DAGLA: variants seen among roughly 807,000 people sequenced by gnomAD.
The protein encoded by DAGLA is diacylglycerol lipase alpha.
DAGLA carries 22 observed loss-of-function variants against 102.6 expected under a neutral mutation model. The ratio of observed to expected loss-of-function variants is 0.21; its 90% CI spans 0.15 to 0.31. The LOEUF (loss-of-function observed/expected upper bound fraction) is 0.31. Ranked by LOEUF, DAGLA falls within the 10% of genes least tolerant of loss-of-function variation. The pLI is 1.00. For missense variants in DAGLA, 927 were observed against 1,446.6 expected (o/e 0.64, Z 5.83); for synonymous variants, 578 against 628.9 (o/e 0.92, Z 1.21).
intron 1 of DAGLA, among the ~76,000 whole-genome samples, chr11:61,699,327 G>A (rs1203251300): frequency 6.6e-6 from 1 of 152,168 alleles, no homozygotes; most frequent in Non-Finnish European, 1.5e-5. Context: ...AGCCAGGTGA[G>A]CATGCCCTGG....
intron 10 of DAGLA, 53 bp downstream of exon 10, chr11:61,735,055 T>A: frequency 1.3e-6 from 2 of 1,592,006 alleles, no homozygotes; most frequent in Non-Finnish European, 1.7e-6. Flanking sequence ...GCTGAGGGCC[T>A]AGGGTGCTGA....
chr11:61,681,099 G>T (rs1419241223), intron 1 of DAGLA, among the ~76,000 whole-genome samples: 3 of 152,156 alleles, frequency 2.0e-5, no homozygotes, highest in African/African-American at 7.2e-5. Context: ...ACTGCCGCGG[G>T]GGGAGTCCGT....
intron 1 of DAGLA, among the ~76,000 whole-genome samples, chr11:61,712,557 C>T (rs2065202571): frequency 6.6e-6 from 1 of 152,206 alleles, no homozygotes; most frequent in African/African-American, 2.4e-5. Context: ...AAATCTGGCC[C>T]CAGTCCTGGG....
At chr11:61,697,910 G>T (rs1591027840) in intron 1 of DAGLA, among the ~76,000 whole-genome samples, 1 of 152,162 alleles carries the variant, frequency 6.6e-6, no homozygotes, top group African/African-American at 2.4e-5. Flanking sequence ...GAGGAGCAGT[G>T]CCAGGGCCCT....
At chr11:61,688,533 T>C (rs1057134461) in intron 1 of DAGLA, among the ~76,000 whole-genome samples, 7 of 152,174 alleles carry the variant, frequency 4.6e-5, no homozygotes, top group African/African-American at 1.7e-4. Flanking sequence ...CGGGAGATCC[T>C]TAGAGTGGCT....
At chr11:61,706,212 G>A (rs1239720086) in intron 1 of DAGLA, among the ~76,000 whole-genome samples, 2 of 152,236 alleles carry the variant, frequency 1.3e-5, no homozygotes, top group African/African-American at 2.4e-5. Flanking sequence ...GAAGTTGGGG[G>A]CGGGGAAGGG....
intron 7 of DAGLA, 132 bp downstream of exon 7, chr11:61,728,419 C>T (rs111722657): frequency 6.9e-6 from 8 of 1,151,468 alleles, no homozygotes; most frequent in African/African-American, 1.5e-5. Context: ...TCTCTTGGAC[C>T]CTGGAGGTCA....
In DAGLA at chr11:61,734,031, C is replaced by T. The variant is rs2065401429; in HGVS notation, c.975-818C>T. ...GCCAGGTGGGGTAGACAGGGCGTTGCTGTAGGGTCTTAAAAAGAAAATGAT... is the reference window on the plus strand; with the variant it reads ...GCCAGGTGGGGTAGACAGGGCGTTGTTGTAGGGTCTTAAAAAGAAAATGAT... On this transcript the variant is annotated intron_variant, in intron 9 of 19. Coordinates refer to ENST00000257215, the MANE Select transcript of DAGLA (RefSeq NM_006133.3). This position sits in a 1 kb window ranked among gnomAD's most constrained non-coding sequence, Gnocchi z 4.2. Among the ~76,000 whole-genome samples, 1 of 151,974 alleles carries T rather than the reference C, an allele frequency of 6.6e-6. No individual in the cohort carries two copies. The highest frequency in any genetic ancestry group is 1.5e-5 in the Non-Finnish European group (1 of 67,988).
At position 61,720,849 on chromosome 11, in the gene DAGLA, A is replaced by T. The variant is rs762296637; in HGVS notation, c.266A>T (p.Glu89Val). Residue 89 changes from glutamate to valine, a missense_variant, in exon 3 of 20, where the codon GAG becomes GTG. Glu to Val is a moderately radical substitution (Grantham distance 121, BLOSUM62 -2). Around this residue, in one of 4 missense-constraint regions of DAGLA, gnomAD observed 231 missense variants for 439.8 expected, o/e 0.53. Transcript: ENST00000257215. The part of the protein sequence containing the change: ...LSMRGGILYT[E>V]PRDSMQYVLY... ...ATGCGCGGGGGCATCCTCTACACGG[A>T]GCCCCGTGACTCCATGCAGTACGTG... 1.1e-5 allele frequency: 17 copies of T among 1,613,398 alleles called. No homozygotes were observed. Among genetic ancestry groups the T allele is most frequent in the African/African-American group, 1.3e-5 (1 of 74,934 alleles).
Position 61,738,178 on chromosome 11 carries a change from G to C in DAGLA, c.1627G>C (p.Asp543His). The C allele has an allele frequency of 6.2e-7, 1 of 1,613,394 alleles. No individual in the cohort carries two copies. Among genetic ancestry groups the C allele is most frequent in the South Asian group, 1.1e-5 (1 of 91,058 alleles). ...QLEGFRRQLL[D>H]VLQRSTKPKW... ...GGAAGGCTTCCGCAGACAGCTCCTG[G>C]ATGTCCTGCAGCGAAGCACCAAGCC... Residue 543 changes from aspartate to histidine, a missense_variant, in exon 16 of 20, where the codon GAT (aspartate) becomes CAT (histidine). Transcript: ENST00000257215.
Position 61,720,727 on chromosome 11 carries a change from C to G in DAGLA, c.144C>G (p.His48Gln), listed in dbSNP as rs147759229. ...TCTTCGGCCTGGTCTATAACCCGCA[C>G]GAGGCCTGCTCCCTGAACCTGGTGG... ...VVLFGLVYNP[H>Q]EACSLNLVDH... is the part of the protein sequence containing the mutation. Residue 48 changes from histidine to glutamine, a missense_variant, in exon 3 of 20, where the codon CAC becomes CAG. By Grantham distance (24) the His-to-Gln change is conservative (BLOSUM62 0). This residue lies in a region of DAGLA where 231 missense variants were observed against 439.8 expected (regional missense o/e 0.53). Transcript: ENST00000257215. 4 of 1,613,906 alleles carry G rather than the reference C, an allele frequency of 2.5e-6. No individual in the cohort carries two copies. Among genetic ancestry groups the G allele is most frequent in the Non-Finnish European group, 2.5e-6 (3 of 1,180,044 alleles).
chr11:61,687,250 C>G (rs1260171383), intron 1 of DAGLA, among the ~76,000 whole-genome samples: 1 of 152,186 alleles, frequency 6.6e-6, no homozygotes, highest in East Asian at 1.9e-4. Context: ...TTTTGGTGTC[C>G]CTGTCCATAC....
At chr11:61,743,487 C>T (rs748061078) in intron 19 of DAGLA, 45 bp from the exon 20 acceptor site, 14 of 1,456,920 alleles carry the variant, frequency 9.6e-6, no homozygotes, top group Non-Finnish European at 1.2e-5. Flanking sequence ...TCAGTCCCCT[C>T]TCCCTTCTGA....
chr11:61,742,280 C>T (rs1015034585), intron 19 of DAGLA, among the ~76,000 whole-genome samples: 2 of 152,196 alleles, frequency 1.3e-5, no homozygotes, highest in Admixed American at 1.3e-4. Context: ...GCTATTCACA[C>T]ACTCTTTGAG....
intron 1 of DAGLA, among the ~76,000 whole-genome samples, chr11:61,695,245 CCCCGCTCTTTCTG>C (rs1423777333): frequency 6.6e-6 from 1 of 152,070 alleles, no homozygotes; most frequent in Non-Finnish European, 1.5e-5. Context: ...GCTTTGCTTT[CCCCGCTCTTTCTG>C]TTCAACCATC....
Position 61,684,906 on chromosome 11 carries a change from G to A in DAGLA, c.-45+4402G>A, listed in dbSNP as rs549294250. Among the ~76,000 whole-genome samples, 7 of 152,158 alleles carry A rather than the reference G, an allele frequency of 4.6e-5. No individual in the cohort carries two copies. In the East Asian group the frequency reaches 1.3e-3, roughly 29 times the overall value. On this transcript the variant is annotated intron_variant, in intron 1 of 19. Transcript: ENST00000257215. This position sits in a 1 kb window ranked among gnomAD's most constrained non-coding sequence, Gnocchi z 4.5. ...TTCAGGCTGTGGGAGGGCAGAGGGTGGGTTTCATACCTCATGTTATGACTC... is the reference window on the plus strand; with the variant it reads ...TTCAGGCTGTGGGAGGGCAGAGGGTAGGTTTCATACCTCATGTTATGACTC...
chr11:61,718,799 C>T (rs1055932182), intron 1 of DAGLA, among the ~76,000 whole-genome samples: 2 of 152,230 alleles, frequency 1.3e-5, no homozygotes, highest in Non-Finnish European at 2.9e-5. Context: ...AGTGGCTGCA[C>T]CGGGGATAGG....
Position 61,731,368 on chromosome 11 carries a change from G to T in DAGLA, c.901G>T (p.Ala301Ser). 1 of 1,614,100 alleles carries T rather than the reference G, an allele frequency of 6.2e-7. No individual in the cohort carries two copies. Among genetic ancestry groups the T allele is most frequent in the Non-Finnish European group, 8.5e-7 (1 of 1,180,014 alleles). ...EVCYYMLFAL[A>S]AYGWPMYLMR... ...CTGCTACTACATGCTCTTTGCCCTG[G>T]CTGCCTACGGGTGGCCCATGTACCT... Residue 301 changes from alanine (A) to serine (S), a missense_variant, in exon 9 of 20, where the codon GCT becomes TCT. Ala to Ser is a moderately conservative substitution (Grantham distance 99, BLOSUM62 1). Around this residue, in one of 4 missense-constraint regions of DAGLA, gnomAD observed 231 missense variants for 439.8 expected, o/e 0.53. Coordinates refer to ENST00000257215, the MANE Select transcript of DAGLA (RefSeq NM_006133.3).
chr11:61,700,946 C>A (rs559277014), intron 1 of DAGLA, among the ~76,000 whole-genome samples: 2 of 152,246 alleles, frequency 1.3e-5, no homozygotes, highest in Non-Finnish European at 2.9e-5. Flanking sequence ...GTGAGCGATG[C>A]TGGGAGGCTG....
Sources: gnomAD v4.1 joint callset for allele counts (sites outside exome capture counted in the v4.1 genomes callset) on GRCh38, gnomAD v4.1.1 for gene constraint, gnomAD v4.1.1 regional missense constraint, Gnocchi (gnomAD v3.1) non-coding constraint, MANE v1.5 for transcripts, NCBI Gene and HGNC (gene_info 2026-07-23, HGNC 2026-07-21) for gene names.